Variants in DIP2C observed in about 807,000 individuals in gnomAD.
The protein encoded by DIP2C is DIP2 acetate--CoA ligase C (putative), also known as disco-interacting protein 2 homolog C.
DIP2C carries 33 observed loss-of-function variants against 192.4 expected under a neutral mutation model. The ratio of observed to expected loss-of-function variants is 0.17; its 90% confidence interval spans 0.13 to 0.23. DIP2C has a LOEUF of 0.23. Among genes scored for constraint, DIP2C ranks in the 10% least tolerant of loss-of-function variants. DIP2C has a pLI of 1.00. For synonymous variants in DIP2C, 979 were observed against 864.1 expected, an observed-to-expected ratio of 1.13 and a Z score of -2.33; for missense variants, 1,537 against 2,110.1, an observed-to-expected ratio of 0.73 and a Z score of 5.32.
At chr10:479,571 T>C (rs1028719908) in intron 2 of DIP2C, among the ~76,000 whole-genome samples, 6 of 152,042 alleles carry the variant, frequency 3.9e-5, no homozygotes, top group Non-Finnish European at 7.4e-5. Context: ...CTTGACCTCA[T>C]GATTTGTCCG....
chr10:448,481 G>A (rs1407308294), intron 3 of DIP2C, among the ~76,000 whole-genome samples: 2 of 140,864 alleles, frequency 1.4e-5, no homozygotes, highest in African/African-American at 5.3e-5. Flanking sequence ...TCTATACTCA[G>A]GATCACACAC....
At chr10:668,266 A>G (rs1857233163) in intron 1 of DIP2C, 1 of 152,132 alleles carries the variant, frequency 6.6e-6, no homozygotes, top group Non-Finnish European at 1.5e-5. Flanking sequence ...CGTACAACAC[A>G]CTCATACAAC....
chr10:363,303 A>C lies in DIP2C; in HGVS notation c.2486T>G (p.Val829Gly). 1.2e-6 allele frequency: 2 copies of C among 1,611,138 alleles called. No homozygotes were observed. The highest frequency in any genetic ancestry group is 8.5e-7 in the Non-Finnish European group (1 of 1,179,964). ...GTCGTGCAGCACGGTCACCGAGAAC[A>C]CGGCTATCCTGCGGGGACACAGGAG... ...MKFVYRGRIAVFSVTVLHDER... is the reference protein window; with the variant it reads ...MKFVYRGRIAGFSVTVLHDER... Residue 829 changes from valine to glycine, a missense_variant, in exon 21 of 37, where the codon GTG becomes GGG. Val to Gly is a moderately radical substitution (Grantham distance 109, BLOSUM62 -3). Around this residue, in one of 4 missense-constraint regions of DIP2C, gnomAD observed 677 missense variants for 989.9 expected, o/e 0.68. Coordinates refer to ENST00000280886, the MANE Select transcript of DIP2C (RefSeq NM_014974.3). This position sits in a 1 kb window ranked among gnomAD's most constrained non-coding sequence, Gnocchi z 5.4.
At chr10:614,426 T>C (rs1230540565) in intron 1 of DIP2C, among the ~76,000 whole-genome samples, 1 of 152,186 alleles carries the variant, frequency 6.6e-6, no homozygotes, top group Non-Finnish European at 1.5e-5. Context: ...TGTGGTGGGA[T>C]CCGTCTCGGC....
chr10:413,516 A>C (rs1008191917), intron 8 of DIP2C, among the ~76,000 whole-genome samples: 6 of 152,258 alleles, frequency 3.9e-5, no homozygotes, highest in African/African-American at 1.4e-4. Flanking sequence ...GTTTTAACTC[A>C]AAAAATATTT....
At chr10:532,542 T>C (rs899929062) in intron 1 of DIP2C, among the ~76,000 whole-genome samples, 1 of 134,184 alleles carries the variant, frequency 7.5e-6, no homozygotes, top group African/African-American at 2.9e-5. Flanking sequence ...AGAGTATGGG[T>C]GTGAGAGAGT....
intron 32 of DIP2C, among the ~76,000 whole-genome samples, chr10:293,320 C>T (rs1443326730): frequency 1.3e-5 from 2 of 152,232 alleles, no homozygotes; most frequent in Non-Finnish European, 1.5e-5. Flanking sequence ...GGGGAGCAAA[C>T]AGGACGCAGG....
intron 32 of DIP2C, among the ~76,000 whole-genome samples, chr10:293,243 C>A (rs952917705): frequency 2.0e-5 from 3 of 152,232 alleles, no homozygotes; most frequent in Non-Finnish European, 4.4e-5. Context: ...ATCTCAAAAA[C>A]CAGCGTGACA....
At chr10:572,551 T>C (rs1849889634) in intron 1 of DIP2C, among the ~76,000 whole-genome samples, 1 of 152,216 alleles carries the variant, frequency 6.6e-6, no homozygotes, top group African/African-American at 2.4e-5. Flanking sequence ...AAAAATAGTT[T>C]TCTATTATTT....
chr10:424,118 C>T (rs1358706095), intron 4 of DIP2C, among the ~76,000 whole-genome samples: 2 of 152,150 alleles, frequency 1.3e-5, no homozygotes, highest in Non-Finnish European at 2.9e-5. Context: ...AATCCTACCT[C>T]CAGGTGAGTT....
In DIP2C at chr10:332,345, A is replaced by T. The variant is rs143974438; in HGVS notation, c.3585-2744T>A. 4.6e-5 allele frequency among the ~76,000 whole-genome samples: 7 copies of T among 152,370 alleles called. No individual in the cohort carries two copies. The East Asian group carries it at 1.2e-3, about 25-fold the overall frequency. On this transcript the variant is annotated intron_variant, in intron 29 of 36. Transcript: ENST00000280886. ...GAACCCAGTGTGAATTCCTGGCCAGAGAATTTCAAATATACTTGTGAAAAC... is the reference window on the plus strand; with the variant it reads ...GAACCCAGTGTGAATTCCTGGCCAGTGAATTTCAAATATACTTGTGAAAAC...
At chr10:332,189 C>T (rs1004238797) in intron 29 of DIP2C, among the ~76,000 whole-genome samples, 1 of 152,200 alleles carries the variant, frequency 6.6e-6, no homozygotes, top group African/African-American at 2.4e-5. Context: ...TAGGTTCAAG[C>T]AATCCTCCTG....
Position 472,542 on chromosome 10 carries a change from G to A in DIP2C, c.165C>T (p.Asp55=), listed in dbSNP as rs777928346. ...GAYLPQPPRV[D]QALPQERRAP... ...CCCGGCGTTCTTGCGGCAAAGCTTG[G>A]TCCACCCCTGGATTTCAATAAAAAC... The change falls in exon 3 of 37, where the codon GAC becomes GAT. Residue 55 remains aspartate (D), a synonymous_variant. Transcript: ENST00000280886. 3.1e-6 allele frequency: 5 copies of A among 1,613,870 alleles called. No homozygotes were observed. The highest frequency in any genetic ancestry group is 1.7e-5 in the Admixed American group (1 of 59,998).
chr10:502,905 C>T (rs548308871), intron 1 of DIP2C, among the ~76,000 whole-genome samples: 2 of 152,294 alleles, frequency 1.3e-5, no homozygotes, highest in South Asian at 4.1e-4. Flanking sequence ...GACCAACAGA[C>T]TTACCACAAC....
intron 6 of DIP2C, among the ~76,000 whole-genome samples, chr10:417,824 G>GTCCACCTGTTCCTGTCAGGGCTTC: frequency 3.1e-5 from 1 of 32,716 alleles, no homozygotes; most frequent in Admixed American, 3.3e-4. Flanking sequence ...GTCAGGGCGC[G>GTCCACCTGTTCCTGTCAGGGCTTC]GACAGGCCTC....
At chr10:567,222 T>C (rs1849513571) in intron 1 of DIP2C, among the ~76,000 whole-genome samples, 1 of 152,068 alleles carries the variant, frequency 6.6e-6, no homozygotes, top group Non-Finnish European at 1.5e-5. Flanking sequence ...ACAATATCAC[T>C]CTGTCGCCCA....
intron 1 of DIP2C, among the ~76,000 whole-genome samples, chr10:683,910 T>C (rs1434563365): frequency 6.6e-6 from 1 of 152,214 alleles, no homozygotes; most frequent in East Asian, 1.9e-4. Flanking sequence ...TCCAACCGCT[T>C]GTAGCCTCGG....
At chr10:385,607 T>A (rs1244940436) in intron 14 of DIP2C, among the ~76,000 whole-genome samples, 2 of 152,288 alleles carry the variant, frequency 1.3e-5, no homozygotes, top group East Asian at 3.9e-4. Flanking sequence ...TGCGGCAGAT[T>A]ACTACTTCTG....
chr10:465,074 G>A, intron 3 of DIP2C, among the ~76,000 whole-genome samples: 1 of 138,324 alleles, frequency 7.2e-6, no homozygotes. Context: ...GCCAGGCAGA[G>A]ACACAACCAA....
Sources: gnomAD v4.1 joint callset for allele counts (sites outside exome capture counted in the v4.1 genomes callset) on GRCh38, gnomAD v4.1.1 for gene constraint, gnomAD v4.1.1 regional missense constraint, Gnocchi (gnomAD v3.1) non-coding constraint, MANE v1.5 for transcripts, NCBI Gene and HGNC (gene_info 2026-07-23, HGNC 2026-07-21) for gene names.